The following CD46 variants were observed in gnomAD, a reference collection of about 807,000 sequenced individuals.
CD46 encodes the protein membrane cofactor protein.
Under a neutral mutation model 53.3 loss-of-function variants are expected in CD46, and 30 were observed. The ratio of observed to expected loss-of-function variants is 0.56; its 90% CI spans 0.42 to 0.76. The LOEUF is 0.76. CD46 is among the 30% of genes least tolerant of loss of function. The pLI, the probability that CD46 is intolerant of heterozygous loss-of-function variation, is 0.00. For missense variants in CD46, 409 were observed against 463.0 expected (o/e 0.88, Z 1.07); for synonymous variants, 142 against 152.0 (o/e 0.93, Z 0.48).
chr1:207,785,274 T>TA (rs1459706097), intron 10 of CD46, among the ~76,000 whole-genome samples, 168 bp downstream of exon 10: 4 of 152,366 alleles, frequency 2.6e-5, no homozygotes, highest in African/African-American at 7.2e-5. Context: ...TACCTTGTGT[T>TA]AGTGATTTTA....
At chr1:207,772,604 C>T (rs1479674356) in intron 8 of CD46, among the ~76,000 whole-genome samples, 1 of 152,116 alleles carries the variant, frequency 6.6e-6, no homozygotes, top group Non-Finnish European at 1.5e-5. Flanking sequence ...GAGTTTTTAG[C>T]ATGAAGGGCT....
chr1:207,773,489 G>A (rs1458966059), intron 8 of CD46, among the ~76,000 whole-genome samples: 1 of 151,812 alleles, frequency 6.6e-6, no homozygotes, highest in African/African-American at 2.4e-5. Flanking sequence ...GTGATGTTAG[G>A]GTGTTGATTT....
At chr1:207,755,070 C>T (rs1655384290) in intron 1 of CD46, among the ~76,000 whole-genome samples, 1 of 151,228 alleles carries the variant, frequency 6.6e-6, no homozygotes, top group African/African-American at 2.4e-5. Flanking sequence ...TGCAGTGAGC[C>T]CTGATCATAC....
At chr1:207,784,917 C>T (rs948750742) in intron 9 of CD46, among the ~76,000 whole-genome samples, 154 bp from the exon 10 acceptor site, 5 of 152,138 alleles carry the variant, frequency 3.3e-5, no homozygotes, top group African/African-American at 1.2e-4. Context: ...TGGGGTCCCT[C>T]CCACAACACG....
chr1:207,783,420 C>T (rs556736683), intron 9 of CD46, 90 bp downstream of exon 9: 115 of 787,084 alleles, frequency 1.5e-4, no homozygotes, highest in Non-Finnish European at 2.1e-4. Context: ...AACATAGGAT[C>T]CTTGGTAGGG....
At chr1:207,769,858 G>A in intron 7 of CD46, 1 of 166,880 alleles carries the variant, frequency 6.0e-6, no homozygotes, top group Non-Finnish European at 1.3e-5. Context: ...CGCCTCCCGG[G>A]TTCAAGCGGT....
chr1:207,752,424 T>A lies in CD46; in HGVS notation c.97+115T>A. Reference sequence around the variant, plus strand: ...CCGTGCCTGTTTGGGGACAGGGTTCTCTGAGGGGTGCAGTGCTCAGATCCC... The same window carrying A: ...CCGTGCCTGTTTGGGGACAGGGTTCACTGAGGGGTGCAGTGCTCAGATCCC... On this transcript the variant is annotated intron_variant, in intron 1 of 12. Coordinates refer to ENST00000367042, the MANE Select transcript of CD46 (RefSeq NM_172351.3). The surrounding 1 kb of genome is among the most constrained non-coding windows in gnomAD (Gnocchi z 4.1). The A allele has an allele frequency of 1.0e-6, 1 of 980,904 alleles. No homozygotes were observed. Among genetic ancestry groups the A allele is most frequent in the Non-Finnish European group, 1.6e-6 (1 of 613,018 alleles). The allele number at this position is 980,904 out of a possible 1,614,324, so 60.8% of individuals were successfully genotyped here.
chr1:207,761,697 G>A (rs1656237263), intron 5 of CD46, among the ~76,000 whole-genome samples: 1 of 142,468 alleles, frequency 7.0e-6, no homozygotes, highest in Admixed American at 7.1e-5. Context: ...GCATGAGTTA[G>A]AAGTTTTTGT....
chr1:207,765,153 C>G (rs1487644225), intron 5 of CD46, among the ~76,000 whole-genome samples: 1 of 152,090 alleles, frequency 6.6e-6, no homozygotes, highest in Non-Finnish European at 1.5e-5. Context: ...AAAAATTAAT[C>G]AGTGTAATTT....
At chr1:207,788,732 A>G (rs1269874562) in intron 11 of CD46, among the ~76,000 whole-genome samples, 1 of 152,240 alleles carries the variant, frequency 6.6e-6, no homozygotes, top group African/African-American at 2.4e-5. Flanking sequence ...AGCCTGGCAC[A>G]AAATGTATTT....
Position 207,793,876 on chromosome 1 carries a change from G to T in CD46, c.*399G>T. On this transcript the variant is annotated 3_prime_UTR_variant, in exon 13 of 13. Transcript: ENST00000367042. ...GGGATATGCTGTATTTTATAAAATT[G>T]GCAAAATTAGAGAAATATAGTTCAC... 2.8e-6 allele frequency: 1 copy of T among 352,534 alleles called. No individual in the cohort carries two copies. The highest frequency in any genetic ancestry group is 5.2e-6 in the Non-Finnish European group (1 of 191,786). The allele number at this position is 352,534 out of a possible 1,614,324, so 21.8% of individuals were successfully genotyped here.
Position 207,794,937 on chromosome 1 carries a change from G to A in CD46, c.*1460G>A, listed in dbSNP as rs1660119703. 6.6e-6 allele frequency: 1 copy of A among 152,204 alleles called. No homozygotes were observed. The highest frequency in any genetic ancestry group is 2.4e-5 in the African/African-American group (1 of 41,454). The allele number at this position is 152,204 out of a possible 1,614,324, so 9.4% of individuals were successfully genotyped here. A position where few individuals can be genotyped will look rare whatever the true frequency, so the allele number is the denominator to read the frequency against. On this transcript the variant is annotated 3_prime_UTR_variant, in exon 13 of 13. Transcript: ENST00000367042. ...TGATTGGAAAATCAAGAGTGTAGAA[G>A]AATAAATACTGTTTTACTGTCCAAA... is the stretch of plus-strand genomic sequence containing the variant.
intron 12 of CD46, among the ~76,000 whole-genome samples, chr1:207,792,292 TAAAG>T (rs961448077): frequency 4.6e-5 from 7 of 151,402 alleles, no homozygotes; most frequent in African/African-American, 7.3e-5. Context: ...GGAAAAAAAA[TAAAG>T]AAAAGAAAAG....
Position 207,757,131 on chromosome 1 carries a change from C to G in CD46, c.215C>G (p.Pro72Arg). The G allele has an allele frequency of 6.2e-7, 1 of 1,613,828 alleles. No individual in the cohort carries two copies. The highest frequency in any genetic ancestry group is 8.5e-7 in the Non-Finnish European group (1 of 1,179,792). Residue 72 changes from proline to arginine, a missense_variant, in exon 2 of 13, where the codon CCT (proline) becomes CGT (arginine). Physicochemically the swap from Pro to Arg is moderately radical, Grantham distance 103. Coordinates refer to ENST00000367042, the MANE Select transcript of CD46 (RefSeq NM_172351.3). ...TGTAAAAAAGGATACTTCTATATAC[C>G]TCCTCTTGCCACCCATACTATTTGT... ...YKCKKGYFYI[P>R]PLATHTICDR...
At chr1:207,768,392 A>AT (rs1657096611) in intron 7 of CD46, 1 of 152,960 alleles carries the variant, frequency 6.5e-6, no homozygotes, top group Non-Finnish European at 1.5e-5. Context: ...GGACTCTTTC[A>AT]TTTCCTGGAA....
intron 7 of CD46, chr1:207,768,609 A>G (rs1238982721): frequency 6.6e-6 from 1 of 152,202 alleles, no homozygotes; most frequent in Non-Finnish European, 1.5e-5. Flanking sequence ...AAAAGTCCTT[A>G]TTTACTGAAA....
intron 8 of CD46, among the ~76,000 whole-genome samples, chr1:207,779,624 T>C (rs1051471130): frequency 3.9e-5 from 6 of 152,188 alleles, no homozygotes; most frequent in Non-Finnish European, 7.4e-5. Flanking sequence ...TTCTGTATGC[T>C]GAAATTGTAT....
chr1:207,780,192 T>C (rs1158677726), intron 8 of CD46, among the ~76,000 whole-genome samples: 1 of 152,026 alleles, frequency 6.6e-6, no homozygotes, highest in Non-Finnish European at 1.5e-5. Context: ...CCCCATCACC[T>C]GATGATAACC....
intron 12 of CD46, among the ~76,000 whole-genome samples, chr1:207,792,438 C>T (rs1363174041): frequency 4.6e-5 from 7 of 152,126 alleles, no homozygotes; most frequent in Non-Finnish European, 7.4e-5. Context: ...ATGGCCTCCC[C>T]GGCAAAGAAG....
Sources: allele counts gnomAD v4.1 joint callset (sites outside exome capture counted in the v4.1 genomes callset), GRCh38; gene constraint gnomAD v4.1.1; non-coding constraint Gnocchi (gnomAD v3.1); transcripts MANE v1.5; gene names NCBI Gene and HGNC (gene_info 2026-07-23, HGNC 2026-07-21).